MAPRE2: variants seen among roughly 807,000 people sequenced by gnomAD.
The protein encoded by MAPRE2 is microtubule associated protein RP/EB family member 2, also known as microtubule-associated protein RP/EB family member 2.
In MAPRE2, 13 loss-of-function variants were observed where a neutral mutation model predicts 43.2. That is an observed-to-expected ratio of 0.30 (90% CI 0.20 to 0.48). MAPRE2 has a LOEUF of 0.48. Ranked by LOEUF, MAPRE2 falls within the 20% of genes least tolerant of loss-of-function variation. The pLI is 0.99. For synonymous variants in MAPRE2, 135 were observed against 148.8 expected (o/e 0.91, Z 0.68); for missense variants, 161 against 400.2 (o/e 0.40, Z 5.10).
At chr18:35,041,980 C>G (rs937569964) in intron 1 of MAPRE2, among the ~76,000 whole-genome samples, 2 of 152,230 alleles carry the variant, frequency 1.3e-5, no homozygotes, top group African/African-American at 4.8e-5. Flanking sequence ...GTAGCACTTC[C>G]TTTCCTCCTT....
intron 2 of MAPRE2, among the ~76,000 whole-genome samples, chr18:35,025,658 C>A (rs1258812747): frequency 6.6e-6 from 1 of 152,160 alleles, no homozygotes; most frequent in Non-Finnish European, 1.5e-5. Flanking sequence ...ACTAAATTGC[C>A]GTCCTCTCTG....
intron 4 of MAPRE2, among the ~76,000 whole-genome samples, chr18:35,123,678 C>T (rs1909783755): frequency 6.6e-6 from 1 of 152,204 alleles, no homozygotes; most frequent in African/African-American, 2.4e-5. Flanking sequence ...TGGTTTCCTT[C>T]TTGTCTTGCT....
At chr18:34,982,977 T>C (rs191573909) in intron 1 of MAPRE2, among the ~76,000 whole-genome samples, 110 of 152,340 alleles carry the variant, frequency 7.2e-4, no homozygotes, top group Non-Finnish European at 5.7e-4. Context: ...CCATACTTGT[T>C]TGTTTACATC....
chr18:35,065,678 C>T (rs1359786198), intron 1 of MAPRE2, among the ~76,000 whole-genome samples: 10 of 152,096 alleles, frequency 6.6e-5, no homozygotes, highest in Non-Finnish European at 1.5e-4. Context: ...CTCAGCCTCC[C>T]TAGTAGCTGG....
intron 4 of MAPRE2, among the ~76,000 whole-genome samples, chr18:35,106,219 G>A (rs1385496304): frequency 2.6e-5 from 4 of 152,082 alleles, no homozygotes; most frequent in Non-Finnish European, 5.9e-5. Flanking sequence ...ATTAGTGGAC[G>A]TAAGCAGTGG....
chr18:35,063,290 G>T lies in MAPRE2; in HGVS notation c.123-6905G>T, dbSNP rs966425805. On this transcript the variant is annotated intron_variant, in intron 1 of 6. Transcript: ENST00000300249. ...GGCTAATTTTTTTTTTGTATTTTTA[G>T]TAGAGATGGGGTTTCACCGTGTTAG... is the stretch of plus-strand genomic sequence containing the variant. Among the ~76,000 whole-genome samples, 11 of 151,954 alleles carry T rather than the reference G, an allele frequency of 7.2e-5. No individual in the cohort carries two copies. In the East Asian group the frequency reaches 1.6e-3, roughly 21 times the overall value.
rs370949895 is a variant in MAPRE2, at chr18:35,029,603, T to C, written c.-8+24050T>C. On this transcript the variant is annotated intron_variant, in intron 2 of 7. Transcript: ENST00000413393. The stretch of plus-strand genomic sequence containing the variant: ...TCAGAAATAAAGCCCAGTGAGTTAG[T>C]TGATTTTTAAGAACCCTAAGGAAAT... Among the ~76,000 whole-genome samples, 16 of 152,340 alleles carry C rather than the reference T, an allele frequency of 1.1e-4. 1 individual carries two copies. The highest frequency in any genetic ancestry group is 4.6e-4 in the Admixed American group (7 of 15,286).
chr18:35,040,115 A>G (rs1603392764), upstream of MAPRE2, among the ~76,000 whole-genome samples: 1 of 152,228 alleles, frequency 6.6e-6, no homozygotes, highest in Admixed American at 6.5e-5. Context: ...AGGCAGGAGA[A>G]TTACTAGAAC....
chr18:35,108,559 A>G (rs1308138872), intron 4 of MAPRE2, among the ~76,000 whole-genome samples: 1 of 152,136 alleles, frequency 6.6e-6, no homozygotes, highest in East Asian at 1.9e-4. Flanking sequence ...TGTCCTCCAC[A>G]ATGGTTGAAG....
intron 1 of MAPRE2, among the ~76,000 whole-genome samples, chr18:35,004,769 T>C (rs1353280908): frequency 1.3e-5 from 2 of 151,834 alleles, no homozygotes; most frequent in African/African-American, 4.8e-5. Context: ...TACAGAAAAA[T>C]TAGCCGGGCA....
intron 1 of MAPRE2, among the ~76,000 whole-genome samples, chr18:34,985,870 C>A (rs1221934170): frequency 6.7e-6 from 1 of 149,770 alleles, no homozygotes; most frequent in African/African-American, 2.5e-5. Flanking sequence ...AATATATAGC[C>A]TATTCTATAC....
At chr18:34,978,599 A>G in intron 1 of MAPRE2, 4 of 1,493,864 alleles carry the variant, frequency 2.7e-6, no homozygotes, top group Admixed American at 2.0e-5. Flanking sequence ...ATTTGGCCAA[A>G]TTTTTATCAA....
intron 1 of MAPRE2, among the ~76,000 whole-genome samples, chr18:34,992,311 C>G (rs1167882699): frequency 1.3e-5 from 2 of 152,178 alleles, no homozygotes; most frequent in Non-Finnish European, 2.9e-5. Context: ...CCAACTACCC[C>G]TCTTAGTTCA....
intron 1 of MAPRE2, among the ~76,000 whole-genome samples, chr18:34,991,047 G>C (rs920478285): frequency 6.6e-6 from 1 of 152,026 alleles, no homozygotes; most frequent in Non-Finnish European, 1.5e-5. Context: ...GATTCAGGGG[G>C]GCACATGCAG....
At chr18:35,131,195 G>A (rs1423537981) in intron 5 of MAPRE2, among the ~76,000 whole-genome samples, 1 of 152,194 alleles carries the variant, frequency 6.6e-6, no homozygotes, top group Non-Finnish European at 1.5e-5. Flanking sequence ...ATTTGTGAAA[G>A]GGTCTAGCTA....
At chr18:35,040,078 C>T (rs746784900), upstream of MAPRE2, among the ~76,000 whole-genome samples, 1 of 152,250 alleles carries the variant, frequency 6.6e-6, no homozygotes, top group Non-Finnish European at 1.5e-5. Flanking sequence ...CGGCGTGCGC[C>T]TGTTATCCCA....
intron 1 of MAPRE2, among the ~76,000 whole-genome samples, chr18:35,045,738 G>A (rs1905586832): frequency 6.6e-6 from 1 of 152,200 alleles, no homozygotes; most frequent in African/African-American, 2.4e-5. Flanking sequence ...AGCAGTTATA[G>A]ATTGCAAAAG....
In MAPRE2 at chr18:35,011,650, C is replaced by T. The variant is rs371332589; in HGVS notation, c.-8+6097C>T. 2.0e-5 allele frequency among the ~76,000 whole-genome samples: 3 copies of T among 152,194 alleles called. No homozygotes were observed. The East Asian group carries it at 5.8e-4, about 29-fold the overall frequency. Reference sequence around the variant, plus strand: ...GGACATGATTAGACAGCAGAGAGACCAGGCGGAAGATGATTAGCATCTGGC... The same window carrying T: ...GGACATGATTAGACAGCAGAGAGACTAGGCGGAAGATGATTAGCATCTGGC... On this transcript the variant is annotated intron_variant, in intron 2 of 7. Transcript: ENST00000413393.
chr18:35,072,051 AGT>A (rs1447239206), intron 2 of MAPRE2, among the ~76,000 whole-genome samples: 5 of 152,234 alleles, frequency 3.3e-5, no homozygotes, highest in Non-Finnish European at 5.9e-5. Flanking sequence ...TGTCTCTAAA[AGT>A]TACTTTCAGA....
Sources: gnomAD v4.1 joint callset for allele counts (sites outside exome capture counted in the v4.1 genomes callset) on GRCh38, gnomAD v4.1.1 for gene constraint, MANE v1.5 for transcripts, NCBI Gene and HGNC (gene_info 2026-07-23, HGNC 2026-07-21) for gene names.